LRFN5: variants seen among roughly 807,000 people sequenced by gnomAD.
LRFN5 encodes leucine rich repeat and fibronectin type III domain containing 5, also known as leucine-rich repeat and fibronectin type-III domain-containing protein 5.
Under a neutral mutation model 45.6 loss-of-function variants are expected in LRFN5, and 24 were observed. That is an observed-to-expected ratio of 0.53 (90% confidence interval 0.38 to 0.74). The LOEUF (loss-of-function observed/expected upper bound fraction) is 0.74. LRFN5 is among the 30% of genes least tolerant of loss of function. LRFN5 has a pLI of 0.00. For missense variants in LRFN5, 776 were observed against 861.5 expected (o/e 0.90, Z 1.24); for synonymous variants, 340 against 313.8 (o/e 1.08, Z -0.88).
chr14:41,629,234 A>T (rs1888452300), intron 1 of LRFN5, among the ~76,000 whole-genome samples: 1 of 152,174 alleles, frequency 6.6e-6, no homozygotes, highest in Non-Finnish European at 1.5e-5. Flanking sequence ...TTCTTCATTA[A>T]TCAAAAACTC....
intron 2 of LRFN5, among the ~76,000 whole-genome samples, chr14:41,786,984 G>A (rs1400431408): frequency 2.0e-5 from 3 of 151,978 alleles, no homozygotes; most frequent in East Asian, 1.9e-4. Flanking sequence ...GTTATTTGAT[G>A]TGTTTTATAT....
At chr14:41,637,913 T>C (rs1162304319) in intron 1 of LRFN5, among the ~76,000 whole-genome samples, 1 of 152,142 alleles carries the variant, frequency 6.6e-6, no homozygotes, top group Non-Finnish European at 1.5e-5. Context: ...GGTACCTAGA[T>C]AGCTTTCTGG....
Position 41,656,969 on chromosome 14 carries a change from A to C in LRFN5, c.-197+48407A>C, listed in dbSNP as rs192561183. Among the ~76,000 whole-genome samples the C allele has an allele frequency of 4.2e-3, 642 of 151,992 alleles. 6 individuals are homozygous for C. Among genetic ancestry groups the C allele is most frequent in the South Asian group, 0.033 (160 of 4,826 alleles). ...CAGTTCTCCACGTGGATTCGTTTTA[A>C]AGTAAAAACCCTTATCCTCAATCGT... On this transcript the variant is annotated intron_variant, in intron 1 of 5. Coordinates refer to ENST00000298119, the MANE Select transcript of LRFN5 (RefSeq NM_152447.5).
chr14:41,868,131 G>A (rs964664860), intron 2 of LRFN5, among the ~76,000 whole-genome samples: 7 of 151,984 alleles, frequency 4.6e-5, no homozygotes, highest in African/African-American at 4.8e-5. Flanking sequence ...AAAAGCAGCA[G>A]CAAACTAGTT....
intron 1 of LRFN5, among the ~76,000 whole-genome samples, chr14:41,741,505 G>C (rs1419414190): frequency 6.6e-6 from 1 of 151,734 alleles, no homozygotes; most frequent in African/African-American, 2.4e-5. Flanking sequence ...TCAGAAGCAT[G>C]AAATTGGATC....
At chr14:41,815,686 CCTGAGTGCCA>C (rs2139001143) in intron 2 of LRFN5, among the ~76,000 whole-genome samples, 1 of 152,124 alleles carries the variant, frequency 6.6e-6, no homozygotes, top group Non-Finnish European at 1.5e-5. Flanking sequence ...TGCACTCCAG[CCTGAGTGCCA>C]CTGAGTGCCA....
chr14:41,802,901 T>C (rs1370085555), intron 2 of LRFN5, among the ~76,000 whole-genome samples: 6 of 152,152 alleles, frequency 3.9e-5, no homozygotes, highest in Non-Finnish European at 8.8e-5. Flanking sequence ...GAATTGTATA[T>C]TACTGAAGAC....
chr14:41,613,250 T>C (rs1455432618), intron 1 of LRFN5, among the ~76,000 whole-genome samples: 1 of 152,042 alleles, frequency 6.6e-6, no homozygotes, highest in Non-Finnish European at 1.5e-5. Flanking sequence ...TCTTAGAAAA[T>C]ATGTCTTCTT....
chr14:41,835,347 C>T (rs571893702), intron 2 of LRFN5, among the ~76,000 whole-genome samples: 4 of 152,290 alleles, frequency 2.6e-5, no homozygotes, highest in East Asian at 1.9e-4. Flanking sequence ...AATGCTCTCT[C>T]TTGCCTAAGG....
At chr14:41,641,687 C>G (rs1198543711) in intron 1 of LRFN5, among the ~76,000 whole-genome samples, 1 of 151,796 alleles carries the variant, frequency 6.6e-6, no homozygotes, top group African/African-American at 2.4e-5. Context: ...CCATGGTGTC[C>G]CAAACCTGAT....
At chr14:41,764,590 G>A (rs1234379803) in intron 1 of LRFN5, among the ~76,000 whole-genome samples, 1 of 152,062 alleles carries the variant, frequency 6.6e-6, no homozygotes, top group East Asian at 1.9e-4. Context: ...GGGGGAGTTA[G>A]GATGATATTT....
At chr14:41,892,459 ATTG>A (rs1890819748) in intron 4 of LRFN5, 1 of 982,750 alleles carries the variant, frequency 1.0e-6, no homozygotes, top group South Asian at 4.7e-5. Context: ...AAAAATGAAA[ATTG>A]TTGTAGAAAA....
At chr14:41,769,484 ATGTG>A (rs1387677261) in intron 2 of LRFN5, among the ~76,000 whole-genome samples, 7 of 152,104 alleles carry the variant, frequency 4.6e-5, no homozygotes, top group Non-Finnish European at 8.8e-5. Flanking sequence ...ATACCTATGT[ATGTG>A]TGTGTATTTA....
chr14:41,655,511 G>A (rs1880336839), intron 1 of LRFN5, among the ~76,000 whole-genome samples: 4 of 152,014 alleles, frequency 2.6e-5, no homozygotes, highest in African/African-American at 9.7e-5. Context: ...ATCATGGAGG[G>A]CCTTTTGGAA....
intron 2 of LRFN5, among the ~76,000 whole-genome samples, chr14:41,769,560 G>A (rs1030943971): frequency 6.6e-5 from 10 of 151,986 alleles, no homozygotes; most frequent in African/African-American, 1.2e-4. Context: ...ATATGTGTAC[G>A]TATATGTAAA....
intron 3 of LRFN5, among the ~76,000 whole-genome samples, chr14:41,889,000 C>T: frequency 1.1e-5 from 1 of 89,004 alleles, no homozygotes; most frequent in East Asian, 3.9e-4. Flanking sequence ...TGTATGTATA[C>T]ACATATATAT....
chr14:41,751,300 A>G (rs1160004185), intron 1 of LRFN5, among the ~76,000 whole-genome samples: 1 of 152,170 alleles, frequency 6.6e-6, no homozygotes, highest in Non-Finnish European at 1.5e-5. Flanking sequence ...TAATAGCACT[A>G]TGGTAAAATT....
At chr14:41,733,845 G>A (rs78837723) in intron 1 of LRFN5, among the ~76,000 whole-genome samples, 6,776 of 150,960 alleles carry the variant, frequency 0.045, 338 homozygotes, top group African/African-American at 0.12. Flanking sequence ...TATGAACAAT[G>A]GTTCCTTATT....
intron 1 of LRFN5, among the ~76,000 whole-genome samples, chr14:41,658,579 C>G (rs78405927): frequency 0.019 from 2,826 of 151,820 alleles, 80 homozygotes; most frequent in African/African-American, 0.064. Context: ...ATAAGAAAAA[C>G]TTATAATGCA....
Sources: allele counts gnomAD v4.1 joint callset (sites outside exome capture counted in the v4.1 genomes callset), GRCh38; gene constraint gnomAD v4.1.1; transcripts MANE v1.5; gene names NCBI Gene and HGNC (gene_info 2026-07-23, HGNC 2026-07-21).